The following KCNMA1 variants were observed in gnomAD, a reference collection of about 807,000 sequenced individuals.
KCNMA1 encodes the protein potassium calcium-activated channel subfamily M alpha 1.
KCNMA1 carries 29 observed loss-of-function variants against 140.0 expected under a neutral mutation model. That is an observed-to-expected ratio of 0.21 (90% CI 0.15 to 0.28). The LOEUF (loss-of-function observed/expected upper bound fraction) is 0.28, where lower values mean the gene tolerates loss of function less well. KCNMA1 is among the 10% of genes least tolerant of loss of function. The pLI is 1.00. For missense variants in KCNMA1, 880 were observed against 1,602.2 expected (o/e 0.55, Z 7.70); for synonymous variants, 612 against 611.9 (o/e 1.00, Z 0.00).
chr10:77,325,504 A>C (rs2083838364), intron 2 of KCNMA1, among the ~76,000 whole-genome samples: 1 of 152,132 alleles, frequency 6.6e-6, no homozygotes, highest in Non-Finnish European at 1.5e-5. Flanking sequence ...TGGCACTAAC[A>C]CATGTTCTCC....
At chr10:76,959,494 A>G (rs1464802313) in intron 20 of KCNMA1, among the ~76,000 whole-genome samples, 1 of 152,216 alleles carries the variant, frequency 6.6e-6, no homozygotes, top group Admixed American at 6.5e-5. Flanking sequence ...AATGGATTCC[A>G]TTTGAGGATT....
intron 2 of KCNMA1, among the ~76,000 whole-genome samples, chr10:77,295,000 G>A (rs1361404655): frequency 6.6e-6 from 1 of 152,126 alleles, no homozygotes; most frequent in East Asian, 1.9e-4. Context: ...GTAAAAATAT[G>A]TTGTAGCTGT....
chr10:76,909,128 C>A (rs2049004525), intron 25 of KCNMA1, among the ~76,000 whole-genome samples: 1 of 152,212 alleles, frequency 6.6e-6, no homozygotes, highest in South Asian at 2.1e-4. Flanking sequence ...ATGCCTGGTT[C>A]TCTCCCAAGG....
intron 1 of KCNMA1, among the ~76,000 whole-genome samples, chr10:77,420,374 A>G (rs1160743782): frequency 3.3e-5 from 5 of 152,210 alleles, no homozygotes; most frequent in Non-Finnish European, 7.3e-5. Context: ...TCTCCTTCCC[A>G]AATCCTACAC....
At chr10:77,099,020 G>C (rs531807934) in intron 9 of KCNMA1, among the ~76,000 whole-genome samples, 3 of 152,126 alleles carry the variant, frequency 2.0e-5, no homozygotes, top group African/African-American at 7.2e-5. Flanking sequence ...GAGCTGAATG[G>C]CACTTTCCTT....
intron 5 of KCNMA1, among the ~76,000 whole-genome samples, chr10:77,133,817 T>G (rs2097915613): frequency 6.6e-6 from 1 of 152,104 alleles, no homozygotes; most frequent in African/African-American, 2.4e-5. Flanking sequence ...ATAACAGCCA[T>G]GAGCAGTCTC....
chr10:77,632,668 T>C (rs7087474), intron 1 of KCNMA1, among the ~76,000 whole-genome samples: 4,024 of 152,332 alleles, frequency 0.026, 124 homozygotes, highest in African/African-American at 0.077. Flanking sequence ...TACTTCAGGA[T>C]CTAAAGCCTC....
intron 2 of KCNMA1, among the ~76,000 whole-genome samples, chr10:77,302,314 G>T (rs2076723239): frequency 6.6e-6 from 1 of 152,140 alleles, no homozygotes; most frequent in South Asian, 2.1e-4. Flanking sequence ...TCCCTGGGTT[G>T]CTGCCCACCC....
At chr10:77,374,927 G>T (rs181348052) in intron 2 of KCNMA1, among the ~76,000 whole-genome samples, 1 of 152,320 alleles carries the variant, frequency 6.6e-6, no homozygotes, top group East Asian at 1.9e-4. Context: ...CAGCTTCCTG[G>T]ACTGTTAGCA....
intron 2 of KCNMA1, among the ~76,000 whole-genome samples, chr10:77,313,347 G>A (rs2079859853): frequency 6.6e-6 from 1 of 152,214 alleles, no homozygotes; most frequent in Admixed American, 6.5e-5. Flanking sequence ...TAGGGCTCCT[G>A]ATGCCGGTAA....
At chr10:77,145,214 T>A (rs974736192) in intron 5 of KCNMA1, among the ~76,000 whole-genome samples, 1 of 152,090 alleles carries the variant, frequency 6.6e-6, no homozygotes, top group African/African-American at 2.4e-5. Context: ...GTTCCTGGCA[T>A]CTCCACATAC....
intron 5 of KCNMA1, among the ~76,000 whole-genome samples, chr10:77,126,966 G>GTAAA (rs2097755698): frequency 6.6e-6 from 1 of 151,854 alleles, no homozygotes; most frequent in South Asian, 2.1e-4. Flanking sequence ...GAGGCACTCA[G>GTAAA]TAAATGGTAA....
At chr10:77,564,414 A>C (rs536478293) in intron 1 of KCNMA1, among the ~76,000 whole-genome samples, 1 of 152,208 alleles carries the variant, frequency 6.6e-6, no homozygotes, top group South Asian at 2.1e-4. Flanking sequence ...CTCTACTAAA[A>C]ATACAAAAAT....
chr10:77,062,748 T>C (rs1565858651), intron 14 of KCNMA1, among the ~76,000 whole-genome samples: 1 of 152,242 alleles, frequency 6.6e-6, no homozygotes, highest in African/African-American at 2.4e-5. Context: ...AAACCTAGGA[T>C]AAGCTCATTT....
At chr10:77,349,842 T>A (rs1417989649) in intron 2 of KCNMA1, among the ~76,000 whole-genome samples, 3 of 152,218 alleles carry the variant, frequency 2.0e-5, no homozygotes, top group Non-Finnish European at 4.4e-5. Context: ...TCCATTTTTT[T>A]AAAGAGCTCT....
chr10:77,219,511 C>T (rs1285965513), intron 3 of KCNMA1, among the ~76,000 whole-genome samples: 1 of 152,020 alleles, frequency 6.6e-6, no homozygotes, highest in African/African-American at 2.4e-5. Flanking sequence ...GCAGTTAGTG[C>T]CAAAGATTAT....
At chr10:77,448,238 C>G (rs138293279) in intron 1 of KCNMA1, among the ~76,000 whole-genome samples, 2 of 152,162 alleles carry the variant, frequency 1.3e-5, no homozygotes, top group African/African-American at 4.8e-5. Flanking sequence ...AACACTGTCT[C>G]CTGCATGGAG....
At chr10:77,634,607 G>A (rs2093554995) in intron 1 of KCNMA1, 6 of 985,326 alleles carry the variant, frequency 6.1e-6, no homozygotes, top group Non-Finnish European at 7.2e-6. Flanking sequence ...GGCTGAAGGA[G>A]GGTGAGGGTG....
intron 1 of KCNMA1, among the ~76,000 whole-genome samples, chr10:77,430,374 C>T (rs2097127013): frequency 6.6e-6 from 1 of 152,150 alleles, no homozygotes; most frequent in Admixed American, 6.5e-5. Context: ...CCTCTTTTTG[C>T]TCCTTCCCAC....
Sources: allele counts gnomAD v4.1 joint callset (sites outside exome capture counted in the v4.1 genomes callset), GRCh38; gene constraint gnomAD v4.1.1; transcripts MANE v1.5; gene names NCBI Gene and HGNC (gene_info 2026-07-23, HGNC 2026-07-21).